Variants in ZNF804B observed in about 807,000 individuals in gnomAD.
ZNF804B encodes the protein zinc finger 804B.
Under a neutral mutation model 101.4 loss-of-function variants are expected in ZNF804B, and 80 were observed. That is an observed-to-expected ratio of 0.79 (90% CI 0.66 to 0.95). The LOEUF is 0.95. Ranked by LOEUF, ZNF804B falls within the 40% of genes least tolerant of loss-of-function variation. ZNF804B has a pLI of 0.00. For synonymous variants in ZNF804B, 622 were observed against 558.8 expected (o/e 1.11, Z -1.59); for missense variants, 1,673 against 1,561.9 (o/e 1.07, Z -1.20).
intron 1 of ZNF804B, among the ~76,000 whole-genome samples, chr7:89,023,155 A>G (rs1788694048): frequency 6.6e-6 from 1 of 152,182 alleles, no homozygotes. Flanking sequence ...CTAATATTTG[A>G]ATAGATGGGT....
At chr7:88,956,004 A>G (rs1305252074) in intron 1 of ZNF804B, among the ~76,000 whole-genome samples, 2 of 151,736 alleles carry the variant, frequency 1.3e-5, no homozygotes, top group African/African-American at 4.8e-5. Context: ...ATCATACATC[A>G]TCAGGAAAAT....
Position 89,336,048 on chromosome 7 carries a change from T to C in ZNF804B, c.3066T>C (p.Cys1022=). 6.2e-7 allele frequency: 1 copy of C among 1,613,990 alleles called. No homozygotes were observed. The highest frequency in any genetic ancestry group is 8.5e-7 in the Non-Finnish European group (1 of 1,179,992). ...TTACAATTTTAGCAGACACTGATTG[T>C]GATAACCATCTTTCTAAAGGTATAA... ...NNFTILADTD[C]DNHLSKGIIH... is the part of the protein sequence containing the mutation. The change falls in exon 4 of 4, where the codon TGT becomes TGC. Residue 1022 remains cysteine (C), a synonymous_variant. Transcript: ENST00000333190.
intron 1 of ZNF804B, among the ~76,000 whole-genome samples, chr7:88,904,426 G>T (rs1792437485): frequency 6.6e-6 from 1 of 151,988 alleles, no homozygotes; most frequent in Non-Finnish European, 1.5e-5. Flanking sequence ...GGATTGCTTT[G>T]GCTATTCAGG....
chr7:88,967,423 G>A (rs1272685994), intron 1 of ZNF804B, among the ~76,000 whole-genome samples: 4 of 151,498 alleles, frequency 2.6e-5, no homozygotes, highest in Non-Finnish European at 5.9e-5. Flanking sequence ...GTCCTACCAG[G>A]TCCTTCCCCC....
chr7:88,854,527 T>TTTCCTTTCC, intron 1 of ZNF804B, among the ~76,000 whole-genome samples: 1 of 40,074 alleles, frequency 2.5e-5, no homozygotes, highest in South Asian at 1.1e-3. Context: ...CTTTCCTTCC[T>TTTCCTTTCC]TTCCTTCCTT....
At chr7:89,331,250 T>C (rs1206292069) in intron 3 of ZNF804B, among the ~76,000 whole-genome samples, 1 of 151,702 alleles carries the variant, frequency 6.6e-6, no homozygotes, top group Non-Finnish European at 1.5e-5. Flanking sequence ...CAAGGCAAAG[T>C]TGAATGCTGC....
intron 1 of ZNF804B, among the ~76,000 whole-genome samples, chr7:88,783,950 A>G (rs1790264846): frequency 6.6e-6 from 1 of 152,190 alleles, no homozygotes. Context: ...TATACATTAC[A>G]AGTTTCATGA....
chr7:89,116,158 C>A (rs1253636417), intron 1 of ZNF804B, among the ~76,000 whole-genome samples: 3 of 151,924 alleles, frequency 2.0e-5, no homozygotes, highest in Non-Finnish European at 2.9e-5. Flanking sequence ...AGGCGATCCA[C>A]CCACCTAGGC....
At chr7:89,308,171 A>G (rs534121535) in intron 2 of ZNF804B, among the ~76,000 whole-genome samples, 1 of 152,188 alleles carries the variant, frequency 6.6e-6, no homozygotes, top group Non-Finnish European at 1.5e-5. Flanking sequence ...TATTTTCCTT[A>G]TTTGTTTGTT....
intron 1 of ZNF804B, among the ~76,000 whole-genome samples, chr7:89,214,615 G>A (rs561120036): frequency 6.6e-6 from 1 of 152,224 alleles, no homozygotes; most frequent in Non-Finnish European, 1.5e-5. Context: ...CTAATAATGT[G>A]TATATAATGC....
intron 1 of ZNF804B, among the ~76,000 whole-genome samples, chr7:88,875,858 A>G (rs950037727): frequency 1.3e-5 from 2 of 152,226 alleles, no homozygotes; most frequent in Admixed American, 6.5e-5. Flanking sequence ...ACACAACCAA[A>G]AAAGAGAATT....
At chr7:89,115,911 T>TG (rs1790304044) in intron 1 of ZNF804B, among the ~76,000 whole-genome samples, 2 of 150,738 alleles carry the variant, frequency 1.3e-5, no homozygotes, top group African/African-American at 4.9e-5. Context: ...TTTGTTTTTT[T>TG]TTTTCTTTTT....
intron 2 of ZNF804B, among the ~76,000 whole-genome samples, chr7:89,241,088 G>A (rs979108518): frequency 2.0e-5 from 3 of 152,064 alleles, no homozygotes; most frequent in Non-Finnish European, 4.4e-5. Context: ...TGAGGCATTC[G>A]TTTTTGTTTT....
intron 1 of ZNF804B, among the ~76,000 whole-genome samples, chr7:88,934,487 CACAA>C (rs1792937124): frequency 6.6e-6 from 1 of 151,976 alleles, no homozygotes; most frequent in African/African-American, 2.4e-5. Context: ...AGAAAACATT[CACAA>C]ACTGTGAGTC....
intron 2 of ZNF804B, among the ~76,000 whole-genome samples, chr7:89,220,382 T>C (rs183445549): frequency 8.7e-4 from 132 of 151,856 alleles, no homozygotes; most frequent in Non-Finnish European, 1.7e-3. Flanking sequence ...TCACAGAATC[T>C]TCCTCAGATA....
intron 2 of ZNF804B, 100 bp downstream of exon 2, chr7:89,218,395 G>C: frequency 7.4e-7 from 1 of 1,355,464 alleles, no homozygotes; most frequent in African/African-American, 1.5e-5. Flanking sequence ...AAGACTGTGA[G>C]GTAAGAACAT....
intron 1 of ZNF804B, among the ~76,000 whole-genome samples, chr7:88,956,389 C>T (rs1472233071): frequency 1.3e-5 from 2 of 151,444 alleles, no homozygotes; most frequent in Non-Finnish European, 3.0e-5. Context: ...TAATTGCACA[C>T]ATACATAAAT....
chr7:89,198,168 G>A (rs1023924244), intron 1 of ZNF804B, among the ~76,000 whole-genome samples: 10 of 151,736 alleles, frequency 6.6e-5, no homozygotes, highest in East Asian at 5.8e-4. Context: ...TATGATTTAA[G>A]GCATATAGGT....
At chr7:89,017,602 C>T (rs1245199631) in intron 1 of ZNF804B, among the ~76,000 whole-genome samples, 1 of 152,006 alleles carries the variant, frequency 6.6e-6, no homozygotes, top group Non-Finnish European at 1.5e-5. Flanking sequence ...CTGTAGATAG[C>T]TTTGGATAGT....
Sources: allele counts gnomAD v4.1 joint callset (sites outside exome capture counted in the v4.1 genomes callset), GRCh38; gene constraint gnomAD v4.1.1; transcripts MANE v1.5; gene names NCBI Gene and HGNC (gene_info 2026-07-23, HGNC 2026-07-21).